ARK2C: variants seen among roughly 807,000 people sequenced by gnomAD.
ARK2C encodes the protein arkadia (RNF111) C-terminal like ring finger ubiquitin ligase 2C.
At chr18:46,356,755 A>G in the ARK2C span, among the ~76,000 whole-genome samples, 4 of 152,146 alleles carry the variant, frequency 2.6e-5, no homozygotes, top group African/African-American at 9.7e-5. Flanking sequence ...TGGCGTTGTC[A>G]TCTGCTCCTT....
chr18:46,442,638 A>G, the ARK2C span, among the ~76,000 whole-genome samples: 10,957 of 152,230 alleles, frequency 0.072, 442 homozygotes, highest in African/African-American at 0.09. Flanking sequence ...CTTATTGGAT[A>G]GAGTATTCTA....
chr18:46,419,685 G>A, the ARK2C span, among the ~76,000 whole-genome samples: 2 of 152,214 alleles, frequency 1.3e-5, no homozygotes, highest in Non-Finnish European at 2.9e-5. Context: ...AGGGGTGGGA[G>A]GCAGGGCAGT....
chr18:46,406,530 C>G, the ARK2C span, among the ~76,000 whole-genome samples: 1 of 152,350 alleles, frequency 6.6e-6, no homozygotes, highest in East Asian at 1.9e-4. Flanking sequence ...TGCCTCTCAT[C>G]TGTCTCATGC....
the ARK2C span, among the ~76,000 whole-genome samples, chr18:46,357,217 C>T: frequency 6.6e-6 from 1 of 152,206 alleles, no homozygotes; most frequent in Admixed American, 6.5e-5. Flanking sequence ...GTTCCTCCCA[C>T]CTCACCCTTG....
At chr18:46,456,084 G>A in the ARK2C span, 3 of 1,561,182 alleles carry the variant, frequency 1.9e-6, no homozygotes, top group African/African-American at 2.7e-5. Flanking sequence ...ATGTGAGGTA[G>A]GAGACCGCCA....
chr18:46,359,149 T>C, the ARK2C span, among the ~76,000 whole-genome samples: 3 of 152,190 alleles, frequency 2.0e-5, no homozygotes, highest in Non-Finnish European at 2.9e-5. Flanking sequence ...GCTAGAACAA[T>C]GCAATTCAAT....
chr18:46,415,052 G>A, the ARK2C span, among the ~76,000 whole-genome samples: 3 of 152,302 alleles, frequency 2.0e-5, no homozygotes, highest in African/African-American at 7.2e-5. Flanking sequence ...GGCAGGGGAG[G>A]GAGCAGAAGC....
the ARK2C span, among the ~76,000 whole-genome samples, chr18:46,359,572 G>A: frequency 3.3e-5 from 5 of 152,168 alleles, no homozygotes; most frequent in African/African-American, 1.2e-4. Flanking sequence ...AAGAACTGAG[G>A]CCTGAGAGCC....
the ARK2C span, among the ~76,000 whole-genome samples, chr18:46,377,288 G>A: frequency 1.3e-5 from 2 of 152,350 alleles, no homozygotes; most frequent in South Asian, 2.1e-4. Context: ...GACAGTTCAT[G>A]TCATCCCTCT....
chr18:46,358,490 A>G, the ARK2C span, among the ~76,000 whole-genome samples: 1 of 152,194 alleles, frequency 6.6e-6, no homozygotes, highest in Non-Finnish European at 1.5e-5. Flanking sequence ...CGTACCCGAA[A>G]GGTAACCCAC....
chr18:46,411,162 C>G, the ARK2C span, among the ~76,000 whole-genome samples: 10 of 152,152 alleles, frequency 6.6e-5, no homozygotes, highest in African/African-American at 2.2e-4. Context: ...AGGGAGAGAG[C>G]CAGGGTAGAA....
the ARK2C span, among the ~76,000 whole-genome samples, chr18:46,353,418 A>G: frequency 1.3e-5 from 2 of 152,320 alleles, no homozygotes; most frequent in Admixed American, 1.3e-4. Flanking sequence ...GCTAGGTGAG[A>G]GCAAGGGTCT....
chr18:46,401,788 T>C, the ARK2C span, among the ~76,000 whole-genome samples: 4,144 of 152,286 alleles, frequency 0.027, 68 homozygotes, highest in South Asian at 0.045. Context: ...TTGGAGAGGA[T>C]CTCCTTCTAT....
the ARK2C span, among the ~76,000 whole-genome samples, chr18:46,393,103 C>T: frequency 6.6e-6 from 1 of 152,198 alleles, no homozygotes; most frequent in Non-Finnish European, 1.5e-5. Context: ...GAGTCACTTC[C>T]TGCTGTCTGA....
At chr18:46,442,142 G>C in the ARK2C span, among the ~76,000 whole-genome samples, 2 of 142,296 alleles carry the variant, frequency 1.4e-5, no homozygotes, top group Non-Finnish European at 3.0e-5. Context: ...CAGCCTGGGC[G>C]ACAGAGCGAA....
the ARK2C span, among the ~76,000 whole-genome samples, chr18:46,454,995 C>T: frequency 6.6e-6 from 1 of 152,208 alleles, no homozygotes; most frequent in Admixed American, 6.5e-5. Context: ...TGGTAAACTA[C>T]ATAATGATTC....
chr18:46,347,291 A>G, the ARK2C span, among the ~76,000 whole-genome samples: 3 of 152,144 alleles, frequency 2.0e-5, no homozygotes, highest in African/African-American at 7.2e-5. Context: ...TTTCTGGAGC[A>G]TCGGGCCCTC....
chr18:46,391,632 G>C, the ARK2C span, among the ~76,000 whole-genome samples: 1 of 151,814 alleles, frequency 6.6e-6, no homozygotes, highest in Non-Finnish European at 1.5e-5. Flanking sequence ...GAGCTGTTCT[G>C]CTTGGTTTGG....
the ARK2C span, among the ~76,000 whole-genome samples, chr18:46,368,819 A>T: frequency 1.3e-5 from 2 of 152,224 alleles, no homozygotes; most frequent in Non-Finnish European, 2.9e-5. Flanking sequence ...TTTGAACCTC[A>T]ATATCCTCAT....
Sources: allele counts gnomAD v4.1 joint callset (sites outside exome capture counted in the v4.1 genomes callset), GRCh38; gene constraint gnomAD v4.1.1; transcripts MANE v1.5; gene names NCBI Gene and HGNC (gene_info 2026-07-23, HGNC 2026-07-21).